The following CNOT6 variants were observed in gnomAD, a reference collection of about 807,000 sequenced individuals.
CNOT6 encodes carbon catabolite repression 4 protein.
CNOT6 carries 12 observed loss-of-function variants against 61.2 expected under a neutral mutation model. That is an observed-to-expected ratio of 0.20 (90% confidence interval 0.13 to 0.32). The LOEUF (loss-of-function observed/expected upper bound fraction) is 0.32. Ranked by LOEUF, CNOT6 falls within the 10% of genes least tolerant of loss-of-function variation. CNOT6 has a pLI of 1.00. For synonymous variants in CNOT6, 225 were observed against 240.6 expected (o/e 0.94, Z 0.60); for missense variants, 405 against 663.9 (o/e 0.61, Z 4.28).
At chr5:180,528,886 A>G (rs1324173116) in intron 1 of CNOT6, among the ~76,000 whole-genome samples, 1 of 151,962 alleles carries the variant, frequency 6.6e-6, no homozygotes, top group African/African-American at 2.4e-5. Flanking sequence ...TCAGTGGGAA[A>G]TGGTAGAGAT....
At chr5:180,520,807 T>TTTCTTTCCAA (rs1205263605) in intron 1 of CNOT6, among the ~76,000 whole-genome samples, 1 of 152,040 alleles carries the variant, frequency 6.6e-6, no homozygotes, top group Non-Finnish European at 1.5e-5. Flanking sequence ...TCCAAGAGTG[T>TTTCTTTCCAA]GTTTAACATT....
At chr5:180,530,119 C>G (rs567231792) in intron 2 of CNOT6, among the ~76,000 whole-genome samples, 1 of 152,306 alleles carries the variant, frequency 6.6e-6, no homozygotes, top group African/African-American at 2.4e-5. Flanking sequence ...TATGCTTCCC[C>G]TTACTTTCCT....
At chr5:180,499,616 A>G (rs1198539883) in intron 1 of CNOT6, among the ~76,000 whole-genome samples, 3 of 152,240 alleles carry the variant, frequency 2.0e-5, no homozygotes, top group Admixed American at 2.0e-4. Flanking sequence ...TGACTTACAA[A>G]TGGGGTTGGG....
intron 2 of CNOT6, among the ~76,000 whole-genome samples, chr5:180,544,898 A>C (rs1393594536): frequency 6.6e-6 from 1 of 152,180 alleles, no homozygotes; most frequent in Non-Finnish European, 1.5e-5. Flanking sequence ...GTTAAAGGCT[A>C]CTGTGAGCTA....
chr5:180,512,248 G>GT (rs1168893624), intron 1 of CNOT6, among the ~76,000 whole-genome samples: 1 of 152,238 alleles, frequency 6.6e-6, no homozygotes, highest in Non-Finnish European at 1.5e-5. Context: ...CAGACCCACT[G>GT]TGGAGGCTAG....
rs148012925 is a variant in CNOT6, at chr5:180,500,530, C to T, written c.-3+5767C>T. 6.3e-3 allele frequency among the ~76,000 whole-genome samples: 955 copies of T among 152,030 alleles called. 10 individuals are homozygous for T. The highest frequency in any genetic ancestry group is 0.022 in the African/African-American group (917 of 41,448). On this transcript the variant is annotated intron_variant, in intron 1 of 11. Coordinates refer to ENST00000261951, the MANE Select transcript of CNOT6 (RefSeq NM_001370472.1). ...TAGGCTCACTGCAGGCTCCGCCTCC[C>T]GGGTTCACGCCATTCTCCTTCAGCC...
At chr5:180,537,821 T>C (rs927876723) in intron 2 of CNOT6, among the ~76,000 whole-genome samples, 4 of 141,502 alleles carry the variant, frequency 2.8e-5, no homozygotes, top group African/African-American at 7.9e-5. Context: ...TTTTTTTTGG[T>C]GTAAATGGTG....
chr5:180,496,971 G>C (rs943542934), intron 1 of CNOT6, among the ~76,000 whole-genome samples: 2 of 152,158 alleles, frequency 1.3e-5, no homozygotes, highest in Non-Finnish European at 2.9e-5. Context: ...TATAGAACTT[G>C]GTCCTAACTA....
At chr5:180,508,325 A>G (rs1757222973) in intron 1 of CNOT6, among the ~76,000 whole-genome samples, 2 of 152,138 alleles carry the variant, frequency 1.3e-5, no homozygotes, top group African/African-American at 2.4e-5. Flanking sequence ...TTGTTTTTTT[A>G]GTATGAGACG....
intron 8 of CNOT6, 60 bp downstream of exon 8, chr5:180,567,302 G>A: frequency 3.4e-6 from 5 of 1,470,890 alleles, no homozygotes; most frequent in Non-Finnish European, 4.6e-6. Flanking sequence ...TGGGGGCCAA[G>A]GGTGTGGAAA....
At chr5:180,508,531 C>T (rs558051630) in intron 1 of CNOT6, among the ~76,000 whole-genome samples, 176 of 152,130 alleles carry the variant, frequency 1.2e-3, no homozygotes, top group South Asian at 8.5e-3. Context: ...AGGATGGTCT[C>T]GATCTCCTGA....
At chr5:180,570,892 G>A (rs1241674345) in intron 10 of CNOT6, among the ~76,000 whole-genome samples, 1 of 152,188 alleles carries the variant, frequency 6.6e-6, no homozygotes, top group Non-Finnish European at 1.5e-5. Context: ...CTAAGATGCT[G>A]ATCGTGGTGT....
At chr5:180,549,615 C>G (rs553894321) in intron 2 of CNOT6, among the ~76,000 whole-genome samples, 50 of 151,948 alleles carry the variant, frequency 3.3e-4, no homozygotes, top group African/African-American at 1.2e-3. Flanking sequence ...CGCCACTGCA[C>G]TCCAGCCTGG....
At chr5:180,555,732 C>T (rs918309632) in intron 4 of CNOT6, among the ~76,000 whole-genome samples, 10 of 152,108 alleles carry the variant, frequency 6.6e-5, no homozygotes, top group Admixed American at 1.3e-4. Context: ...TGATTTCTCC[C>T]GGCATCCGCT....
intron 3 of CNOT6, among the ~76,000 whole-genome samples, chr5:180,552,978 C>T (rs1422382780): frequency 2.6e-5 from 4 of 152,062 alleles, no homozygotes; most frequent in Non-Finnish European, 5.9e-5. Context: ...TTATCATTTC[C>T]ACTTTCTTAA....
intron 2 of CNOT6, among the ~76,000 whole-genome samples, chr5:180,547,543 T>C (rs1759375874): frequency 6.6e-6 from 1 of 151,788 alleles, no homozygotes; most frequent in African/African-American, 2.4e-5. Flanking sequence ...GAAAAGAAAA[T>C]TGTGCTCCTC....
chr5:180,498,796 T>C (rs1756734622), intron 1 of CNOT6, among the ~76,000 whole-genome samples: 1 of 152,182 alleles, frequency 6.6e-6, no homozygotes, highest in Non-Finnish European at 1.5e-5. Flanking sequence ...TTAGTGACTT[T>C]GAATCTGTTT....
rs35909953 is a variant in CNOT6, at chr5:180,561,356, T to TTGTGTGTGTGTG, written c.386-3107_386-3096dup. ...CAGTCTTCCTGTTTTCTTGTGTGTT[T>TTGTGTGTGTGTG]TGTGTGTGTGTGTGTGTGTGTGTGT... On this transcript the variant is annotated intron_variant, in intron 4 of 11. Transcript: ENST00000261951. 2.7e-3 allele frequency among the ~76,000 whole-genome samples: 396 copies of TTGTGTGTGTGTG among 144,830 alleles called. 2 individuals carry two copies. Among genetic ancestry groups the TTGTGTGTGTGTG allele is most frequent in the Middle Eastern group, 0.014 (4 of 286 alleles).
At chr5:180,503,256 ATTTTTC>A (rs1756961505) in intron 1 of CNOT6, among the ~76,000 whole-genome samples, 1 of 130,996 alleles carries the variant, frequency 7.6e-6, no homozygotes, top group African/African-American at 2.7e-5. Context: ...TCTAGTTTGT[ATTTTTC>A]TTTTTTTTTT....
Sources: allele counts gnomAD v4.1 joint callset (sites outside exome capture counted in the v4.1 genomes callset), GRCh38; gene constraint gnomAD v4.1.1; transcripts MANE v1.5; gene names NCBI Gene and HGNC (gene_info 2026-07-23, HGNC 2026-07-21).